BICRA: variants seen among roughly 807,000 people sequenced by gnomAD.
The protein encoded by BICRA is BRD4-interacting chromatin-remodeling complex-associated protein.
In BICRA, 31 loss-of-function variants were observed where a neutral mutation model predicts 96.9. The ratio of observed to expected loss-of-function variants is 0.32; its 90% CI spans 0.24 to 0.43. The LOEUF (loss-of-function observed/expected upper bound fraction) is 0.43, where lower values mean the gene tolerates loss of function less well. Among genes scored for constraint, BICRA ranks in the 20% least tolerant of loss-of-function variants. The pLI, the probability that BICRA is intolerant of heterozygous loss-of-function variation, is 1.00. For synonymous variants in BICRA, 1,350 were observed against 1,071.8 expected (o/e 1.26, Z -5.07); for missense variants, 2,283 against 2,190.3 (o/e 1.04, Z -0.84).
intron 5 of BICRA, among the ~76,000 whole-genome samples, chr19:47,676,138 C>T (rs1232720888): frequency 6.6e-6 from 1 of 152,118 alleles, no homozygotes; most frequent in Non-Finnish European, 1.5e-5. Flanking sequence ...CTGACTGTGC[C>T]TTGCAGACCC....
chr19:47,679,692 C>T lies in BICRA; in HGVS notation c.522C>T (p.Thr174=), dbSNP rs1972999773. Reference sequence around the variant, plus strand: ...TGCTGGGGCTGCAGGGCCCGCCTACCGTGCTGACCCACCAGGCCCTGGTGC... The same window carrying T: ...TGCTGGGGCTGCAGGGCCCGCCTACTGTGCTGACCCACCAGGCCCTGGTGC... ...TDLLGLQGPP[T]VLTHQALVPP... is the part of the protein sequence containing the mutation. The change falls in exon 6 of 15, where the codon ACC becomes ACT. Residue 174 remains threonine (T), a synonymous_variant. Transcript: ENST00000594866. 2.6e-6 allele frequency: 4 copies of T among 1,528,602 alleles called. No homozygotes were observed. Among genetic ancestry groups the T allele is most frequent in the African/African-American group, 2.8e-5 (2 of 72,222 alleles). The allele number at this position is 1,528,602 out of a possible 1,614,324, so 94.7% of individuals were successfully genotyped here.
rs756323742 is a variant in BICRA, at chr19:47,694,909, G to C, written c.2905G>C (p.Gly969Arg). 2.6e-6 allele frequency: 4 copies of C among 1,516,774 alleles called. No individual in the cohort carries two copies. In the South Asian group the frequency reaches 3.9e-5, roughly 15 times the overall value. 94.0% of individuals were successfully genotyped at this position (1,516,774 alleles called of 1,614,324 possible). The part of the protein sequence containing the change: ...LLERFHQVPS[G>R]IILQNKAGGA... ...CCTGTCCCCTCCTCAGGTGCCGTCC[G>C]GAATCATCCTCCAGAACAAGGCTGG... Residue 969 changes from glycine to arginine, a missense_variant, in exon 9 of 15, where the codon GGA (glycine) becomes CGA (arginine). By Grantham distance (125) the Gly-to-Arg change is moderately radical (BLOSUM62 -2). Coordinates refer to ENST00000594866, the MANE Select transcript of BICRA (RefSeq NM_001394372.1).
chr19:47,694,457 GC>G lies in BICRA; in HGVS notation c.2632del (p.His878ThrfsTer69). 1 of 316,868 alleles carries G rather than the reference GC, an allele frequency of 3.2e-6. No homozygotes were observed. Among genetic ancestry groups the G allele is most frequent in the Non-Finnish European group, 5.8e-6 (1 of 173,818 alleles). The allele number at this position is 316,868 out of a possible 1,614,324, so 19.6% of individuals were successfully genotyped here. On this transcript the variant is annotated frameshift_variant, in exon 8 of 15. Transcript: ENST00000594866. LOFTEE classifies it high-confidence loss of function. Reference sequence around the variant, plus strand: ...GCCGCCTGAGGGACCGCTGCCCCCAGCCCCCCACCTCCCTCCATCCTCCACC... The same window carrying G: ...GCCGCCTGAGGGACCGCTGCCCCCAGCCCCCACCTCCCTCCATCCTCCACC... ...SQPPEGPLPP[A>X]PHLPPSSTSS...
chr19:47,661,423 C>T (rs894656299), intron 1 of BICRA, among the ~76,000 whole-genome samples: 2 of 151,772 alleles, frequency 1.3e-5, no homozygotes, highest in Admixed American at 6.6e-5. Context: ...CAGTCGGTGG[C>T]CAGCGAGGAA....
Position 47,673,631 on chromosome 19 carries a change from C to T in BICRA, c.41+16C>T, listed in dbSNP as rs775847054. On this transcript the variant is annotated intron_variant, in intron 3 of 14. Coordinates refer to ENST00000594866, the MANE Select transcript of BICRA (RefSeq NM_001394372.1). ...ACGTGATTTGGTGAGTAACGGGCTCCCCACCCCCTGCCCTCTGTCTCAACC... is the reference window on the plus strand; with the variant it reads ...ACGTGATTTGGTGAGTAACGGGCTCTCCACCCCCTGCCCTCTGTCTCAACC... The T allele has an allele frequency of 1.6e-5, 26 of 1,596,864 alleles. No homozygotes were observed. Among genetic ancestry groups the T allele is most frequent in the Non-Finnish European group, 2.1e-5 (25 of 1,164,552 alleles).
At chr19:47,621,353 T>C (rs1177823574) in intron 1 of BICRA, among the ~76,000 whole-genome samples, 1 of 152,154 alleles carries the variant, frequency 6.6e-6, no homozygotes, top group Non-Finnish European at 1.5e-5. Context: ...TTCTGTTAAA[T>C]TTCTGTCTCG....
intron 1 of BICRA, among the ~76,000 whole-genome samples, chr19:47,654,504 C>T (rs929515669): frequency 1.3e-5 from 2 of 151,718 alleles, no homozygotes; most frequent in African/African-American, 4.8e-5. Flanking sequence ...TTTTTTGAGA[C>T]GGAGTCTCGT....
At chr19:47,667,765 G>A (rs1458116820) in intron 1 of BICRA, among the ~76,000 whole-genome samples, 1 of 152,090 alleles carries the variant, frequency 6.6e-6, no homozygotes, top group African/African-American at 2.4e-5. Context: ...AGCATCCCAG[G>A]CATTCATAAA....
chr19:47,702,334 C>A lies in BICRA; in HGVS notation c.4602C>A (p.Ser1534=). ...CTGCCTCGGCCGGCACCCCCGCATC[C>A]CCGCCGCCCCTGCACAGGCCCGAGG... ...PHAASAGTPA[S]PPPLHRPEAY... is the part of the protein sequence containing the mutation. The change falls in exon 15 of 15, where the codon TCC becomes TCA. Residue 1534 remains serine (S), a synonymous_variant. Transcript: ENST00000594866. The A allele has an allele frequency of 6.5e-7, 1 of 1,548,686 alleles. No homozygotes were observed.
intron 1 of BICRA, among the ~76,000 whole-genome samples, chr19:47,633,137 G>A (rs887061698): frequency 7.0e-6 from 1 of 143,334 alleles, no homozygotes; most frequent in African/African-American, 2.6e-5. Context: ...CCGGAGTGTG[G>A]TGGTGCGATC....
chr19:47,638,150 T>C (rs567514255), intron 1 of BICRA, among the ~76,000 whole-genome samples: 33 of 151,882 alleles, frequency 2.2e-4, no homozygotes, highest in Non-Finnish European at 3.7e-4. Flanking sequence ...TATCTCCCCC[T>C]CCCCCAGCCT....
rs1416148178 is a variant in BICRA, at chr19:47,680,423, C to T, written c.1253C>T (p.Ala418Val). Reference protein sequence around the residue: ...NVVLSGFPAPALQANVFKQPP... With the variant: ...NVVLSGFPAPVLQANVFKQPP... ...GTGCTGTCGGGCTTCCCCGCGCCTGCGCTGCAAGCGAACGTCTTCAAGCAG... is the reference window on the plus strand; with the variant it reads ...GTGCTGTCGGGCTTCCCCGCGCCTGTGCTGCAAGCGAACGTCTTCAAGCAG... The change falls in exon 6 of 15, where the codon GCG (alanine) becomes GTG (valine). Residue 418 changes from alanine to valine, a missense_variant. By Grantham distance (64) the Ala-to-Val change is moderately conservative. Transcript: ENST00000594866. The T allele has an allele frequency of 3.9e-6, 6 of 1,536,676 alleles. No homozygotes were observed. Among genetic ancestry groups the T allele is most frequent in the East Asian group, 2.5e-5 (1 of 40,800 alleles).
chr19:47,689,015 C>T (rs1409977789), intron 7 of BICRA, among the ~76,000 whole-genome samples: 1 of 151,824 alleles, frequency 6.6e-6, no homozygotes, highest in Non-Finnish European at 1.5e-5. Flanking sequence ...TTTAGAGAGA[C>T]GAGGTTTCAC....
intron 2 of BICRA, among the ~76,000 whole-genome samples, chr19:47,672,061 A>G (rs1972873041): frequency 7.1e-6 from 1 of 141,228 alleles, no homozygotes; most frequent in Non-Finnish European, 1.5e-5. Context: ...GGATGGAAGG[A>G]TGGAGGGATG....
chr19:47,609,397 TTC>T (rs1491016329), intron 1 of BICRA, among the ~76,000 whole-genome samples: 6 of 136,582 alleles, frequency 4.4e-5, no homozygotes, highest in African/African-American at 1.6e-4. Context: ...TTTTTTTTTT[TTC>T]CTGCTCGGCG....
chr19:47,619,215 CA>C (rs1179546868), intron 1 of BICRA, among the ~76,000 whole-genome samples: 8 of 127,096 alleles, frequency 6.3e-5, no homozygotes, highest in Admixed American at 5.5e-4. Context: ...TATATATACA[CA>C]TTTTTTTTCC....
chr19:47,683,393 A>G (rs1385995538), intron 7 of BICRA, among the ~76,000 whole-genome samples: 4 of 152,248 alleles, frequency 2.6e-5, no homozygotes, highest in African/African-American at 9.6e-5. Flanking sequence ...GCAGATTTTC[A>G]TAAAAGTAAG....
chr19:47,673,681 C>T, intron 3 of BICRA, 39 bp from the exon 4 acceptor site: 8 of 1,595,290 alleles, frequency 5.0e-6, no homozygotes, highest in Non-Finnish European at 6.9e-6. Context: ...CCCTCCCCAG[C>T]TCCTTACCTC....
At chr19:47,657,746 C>G (rs143836794) in intron 1 of BICRA, among the ~76,000 whole-genome samples, 1 of 152,218 alleles carries the variant, frequency 6.6e-6, no homozygotes, top group Non-Finnish European at 1.5e-5. Flanking sequence ...TTTCACCTCC[C>G]TTGAGTAAAT....
Sources: gnomAD v4.1 joint callset for allele counts (sites outside exome capture counted in the v4.1 genomes callset) on GRCh38, gnomAD v4.1.1 for gene constraint, MANE v1.5 for transcripts, NCBI Gene and HGNC (gene_info 2026-07-23, HGNC 2026-07-21) for gene names.